The following MCF2L2 variants were observed in gnomAD, a reference collection of about 807,000 sequenced individuals.
The protein encoded by MCF2L2 is probable guanine nucleotide exchange factor MCF2L2.
MCF2L2 carries 102 observed loss-of-function variants against 150.2 expected under a neutral mutation model. The ratio of observed to expected loss-of-function variants is 0.68; its 90% confidence interval spans 0.58 to 0.80. The LOEUF (loss-of-function observed/expected upper bound fraction) is 0.80, where lower values mean the gene tolerates loss of function less well. Ranked by LOEUF, MCF2L2 falls within the 30% of genes least tolerant of loss-of-function variation. MCF2L2 has a pLI of 0.00. For missense variants in MCF2L2, 1,256 were observed against 1,372.8 expected (o/e 0.91, Z 1.34); for synonymous variants, 465 against 491.3 (o/e 0.95, Z 0.71).
rs1266283705 is a variant in MCF2L2 at position 183,294,975 on chromosome 3, C to G, written c.1675+325G>C. Among the ~76,000 whole-genome samples the G allele has an allele frequency of 2.0e-5, 3 of 151,648 alleles. No individual in the cohort carries two copies. In the East Asian group the frequency reaches 5.8e-4, roughly 29 times the overall value. ...GATGGGTTTCAACATGTTGGCCAGG[C>G]TGGTCTCGAATTCCTGACCTCAGAT... is the stretch of plus-strand genomic sequence containing the variant. On this transcript the variant is annotated intron_variant, in intron 13 of 29. Transcript: ENST00000328913.
intron 25 of MCF2L2, among the ~76,000 whole-genome samples, chr3:183,199,621 CT>C (rs1163310933): frequency 0.011 from 1,510 of 141,328 alleles, 15 homozygotes; most frequent in Middle Eastern, 0.088. Context: ...TTTTTTTTTC[CT>C]TTTTTTTTTT....
chr3:183,255,807 T>TAA (rs543086878), intron 15 of MCF2L2, among the ~76,000 whole-genome samples: 352 of 134,392 alleles, frequency 2.6e-3, no homozygotes, highest in African/African-American at 8.5e-3. Flanking sequence ...GGTGAGATTG[T>TAA]AAAAAAAAAA....
chr3:183,369,332 C>T (rs938504345), intron 3 of MCF2L2, among the ~76,000 whole-genome samples: 1 of 152,116 alleles, frequency 6.6e-6, no homozygotes, highest in South Asian at 2.1e-4. Context: ...ACTGCTTCTC[C>T]TTTTTTGCCT....
At chr3:183,402,451 C>CAAAAAAAAAAAGAAAAAA (rs1714813990) in intron 1 of MCF2L2, among the ~76,000 whole-genome samples, 1 of 54,762 alleles carries the variant, frequency 1.8e-5, no homozygotes, top group Non-Finnish European at 4.3e-5. Flanking sequence ...GAGACTCCAT[C>CAAAAAAAAAAAGAAAAAA]AAAAAAAAAA....
At chr3:183,250,331 G>A (rs1054454449) in intron 15 of MCF2L2, among the ~76,000 whole-genome samples, 16 of 152,110 alleles carry the variant, frequency 1.1e-4, no homozygotes, top group Non-Finnish European at 2.1e-4. Flanking sequence ...CACGCCTGTA[G>A]TCCCAGCACT....
rs66925414 is a variant in MCF2L2, at chr3:183,330,084, TA to T, written c.487-6734del. 3.4e-3 allele frequency among the ~76,000 whole-genome samples: 491 copies of T among 144,344 alleles called. 2 individuals carry two copies. The highest frequency in any genetic ancestry group is 5.7e-3 in the Admixed American group (82 of 14,474). The allele number at this position is 144,344 out of a possible 152,430, so 94.7% of individuals were successfully genotyped here. A position where few individuals can be genotyped will look rare whatever the true frequency, so the allele number is the denominator to read the frequency against. On this transcript the variant is annotated intron_variant, in intron 5 of 29. Coordinates refer to ENST00000328913, the MANE Select transcript of MCF2L2 (RefSeq NM_015078.4). The stretch of plus-strand genomic sequence containing the variant: ...ACCCCTGTCTCTACAAAAAATAAAT[TA>T]AAAAAAAAAATCAGCCGGGCATGGT...
intron 5 of MCF2L2, among the ~76,000 whole-genome samples, chr3:183,327,270 A>G (rs966176600): frequency 6.6e-6 from 1 of 152,164 alleles, no homozygotes; most frequent in Non-Finnish European, 1.5e-5. Flanking sequence ...GGTTGCAGTG[A>G]GCCGAGAGAG....
intron 11 of MCF2L2, chr3:183,298,976 T>C (rs1728701165): frequency 1.3e-5 from 2 of 152,192 alleles, no homozygotes; most frequent in Admixed American, 1.3e-4. Context: ...CCTGGGTGGG[T>C]GCCCCCTGCC....
intron 27 of MCF2L2, 148 bp downstream of exon 27, chr3:183,192,851 T>TA: frequency 1.7e-6 from 1 of 589,526 alleles, no homozygotes; most frequent in Non-Finnish European, 3.0e-6. Context: ...AAATTGATTT[T>TA]AAACCACATG....
intron 21 of MCF2L2, among the ~76,000 whole-genome samples, chr3:183,218,158 G>C (rs1002556470): frequency 1.2e-4 from 18 of 152,190 alleles, no homozygotes; most frequent in Non-Finnish European, 2.1e-4. Context: ...CGGAAGCACT[G>C]GGTATTTGCA....
intron 15 of MCF2L2, among the ~76,000 whole-genome samples, chr3:183,234,361 T>C (rs1404091442): frequency 6.6e-6 from 1 of 152,200 alleles, no homozygotes; most frequent in Non-Finnish European, 1.5e-5. Flanking sequence ...TAAGAGACTC[T>C]TAGGAGCTTT....
chr3:183,240,429 G>A (rs1180240403), intron 15 of MCF2L2, among the ~76,000 whole-genome samples: 1 of 152,152 alleles, frequency 6.6e-6, no homozygotes, highest in East Asian at 1.9e-4. Flanking sequence ...ATGTTGGCCA[G>A]GCTGGTCTCG....
intron 4 of MCF2L2, 105 bp from the exon 5 acceptor site, chr3:183,339,024 A>G: frequency 8.3e-7 from 1 of 1,201,894 alleles, no homozygotes; most frequent in Non-Finnish European, 1.1e-6. Context: ...CACAGAAGGA[A>G]AAGTTAAAAC....
Position 183,295,381 on chromosome 3 carries a change from G to A in MCF2L2, c.1594C>T (p.Arg532Cys). The A allele has an allele frequency of 6.2e-7, 1 of 1,614,034 alleles. No homozygotes were observed. The highest frequency in any genetic ancestry group is 8.5e-7 in the Non-Finnish European group (1 of 1,179,962). The change falls in exon 13 of 30, where the codon CGT becomes TGT. Residue 532 changes from arginine (R) to cysteine (C), a missense_variant. Transcript: ENST00000328913. ...TGTGGGGCCACAGGTTGCACTGGAC[G>A]AGTCTGTTTGGCTGCCAGTTTCATC... ...SLMKLAAKQTRPVQPVAPHPE... is the reference protein window; with the variant it reads ...SLMKLAAKQTCPVQPVAPHPE...
At chr3:183,382,715 A>G (rs752892111) in intron 2 of MCF2L2, among the ~76,000 whole-genome samples, 91 of 152,242 alleles carry the variant, frequency 6.0e-4, no homozygotes, top group Non-Finnish European at 1.2e-3. Context: ...ATAACTTAAA[A>G]TAAACTTTAC....
intron 15 of MCF2L2, among the ~76,000 whole-genome samples, chr3:183,232,825 T>C (rs1420833974): frequency 6.6e-6 from 1 of 152,208 alleles, no homozygotes; most frequent in Non-Finnish European, 1.5e-5. Context: ...TCAAACCTCA[T>C]AGAAAGACTG....
chr3:183,260,583 A>G (rs1228562869), intron 15 of MCF2L2, among the ~76,000 whole-genome samples: 1 of 152,128 alleles, frequency 6.6e-6, no homozygotes, highest in African/African-American at 2.4e-5. Flanking sequence ...TCTAAGAATA[A>G]TCTATAATCC....
intron 1 of MCF2L2, among the ~76,000 whole-genome samples, chr3:183,396,558 TG>T (rs1403654259): frequency 6.6e-6 from 1 of 152,122 alleles, no homozygotes; most frequent in African/African-American, 2.4e-5. Flanking sequence ...CAGTTCAAAG[TG>T]AAAATCTCAG....
At chr3:183,318,261 C>T (rs1729680587) in intron 6 of MCF2L2, 44 bp from the exon 7 acceptor site, 2 of 1,600,426 alleles carry the variant, frequency 1.2e-6, no homozygotes, top group South Asian at 2.2e-5. Flanking sequence ...GATTAACATT[C>T]ACCAACATGC....
Sources: allele counts gnomAD v4.1 joint callset (sites outside exome capture counted in the v4.1 genomes callset), GRCh38; gene constraint gnomAD v4.1.1; transcripts MANE v1.5; gene names NCBI Gene and HGNC (gene_info 2026-07-23, HGNC 2026-07-21).